The following RANBP2 variants were observed in gnomAD, a reference collection of about 807,000 sequenced individuals.
The protein encoded by RANBP2 is E3 SUMO-protein ligase RanBP2.
In RANBP2, 57 loss-of-function variants were observed where a neutral mutation model predicts 303.6. The ratio of observed to expected loss-of-function variants is 0.19; its 90% CI spans 0.15 to 0.23. The LOEUF (loss-of-function observed/expected upper bound fraction) is 0.23, where lower values mean the gene tolerates loss of function less well. Ranked by LOEUF, RANBP2 falls within the 10% of genes least tolerant of loss-of-function variation. The pLI, the probability that RANBP2 is intolerant of heterozygous loss-of-function variation, is 1.00. For missense variants in RANBP2, 3,138 were observed against 3,780.8 expected, an observed-to-expected ratio of 0.83 and a Z score of 4.46; for synonymous variants, 1,167 against 1,301.5, an observed-to-expected ratio of 0.90 and a Z score of 2.23.
At chr2:109,506,016 G>A in the RANBP2 span, among the ~76,000 whole-genome samples, 24 of 152,130 alleles carry the variant, frequency 1.6e-4, no homozygotes, top group African/African-American at 5.6e-4. Context: ...TTCAAATCAC[G>A]TACTTCACTG....
the RANBP2 span, among the ~76,000 whole-genome samples, chr2:109,442,271 A>G: frequency 9.1e-4 from 138 of 151,060 alleles, no homozygotes; most frequent in South Asian, 1.7e-3. Context: ...AGATCGTGCC[A>G]CTGCACTCCA....
chr2:108,832,547 T>C, the RANBP2 span, among the ~76,000 whole-genome samples: 1 of 151,948 alleles, frequency 6.6e-6, no homozygotes, highest in Non-Finnish European at 1.5e-5. Context: ...GGGTTTCTCC[T>C]TGTTGGTCAG....
the RANBP2 span, among the ~76,000 whole-genome samples, chr2:108,977,815 C>T: frequency 1.7e-4 from 26 of 152,302 alleles, no homozygotes; most frequent in African/African-American, 5.1e-4. Context: ...CTGAGAGCCG[C>T]ACCCTCTTTT....
the RANBP2 span, among the ~76,000 whole-genome samples, chr2:109,641,664 C>T: frequency 6.6e-6 from 1 of 152,170 alleles, no homozygotes; most frequent in Non-Finnish European, 1.5e-5. Flanking sequence ...TCTCCAGATG[C>T]ATGAATCCAA....
At chr2:108,871,378 A>G in the RANBP2 span, among the ~76,000 whole-genome samples, 1 of 149,342 alleles carries the variant, frequency 6.7e-6, no homozygotes, top group Non-Finnish European at 1.5e-5. Flanking sequence ...ATTAAAAAAA[A>G]AAAAAAAAAA....
the RANBP2 span, among the ~76,000 whole-genome samples, chr2:109,153,539 T>G: frequency 6.6e-6 from 1 of 152,220 alleles, no homozygotes; most frequent in South Asian, 2.1e-4. Flanking sequence ...CGGCTCAGTG[T>G]GCAATGCCTT....
chr2:109,477,638 GTGTGT>G, the RANBP2 span, among the ~76,000 whole-genome samples: 3 of 151,264 alleles, frequency 2.0e-5, no homozygotes, highest in East Asian at 5.8e-4. Context: ...GTGTGTGTGT[GTGTGT>G]TGGTGAGGGG....
chr2:109,758,419 A>G, the RANBP2 span, among the ~76,000 whole-genome samples: 1 of 135,022 alleles, frequency 7.4e-6, no homozygotes, highest in South Asian at 2.6e-4. Flanking sequence ...AAAAAAAAAA[A>G]AAAAAAATCC....
At chr2:109,421,054 C>G in the RANBP2 span, among the ~76,000 whole-genome samples, 1 of 152,234 alleles carries the variant, frequency 6.6e-6, no homozygotes, top group Middle Eastern at 3.2e-3. Flanking sequence ...CCATCTCCTG[C>G]CATGCTCCTA....
the RANBP2 span, among the ~76,000 whole-genome samples, chr2:109,257,376 G>A: frequency 1.3e-5 from 2 of 151,708 alleles, no homozygotes; most frequent in Admixed American, 6.6e-5. Context: ...GAGAGGGAGG[G>A]AGGGAGAGGA....
the RANBP2 span, among the ~76,000 whole-genome samples, chr2:108,935,476 G>A: frequency 6.6e-6 from 1 of 152,176 alleles, no homozygotes. Context: ...GAGAAGCACT[G>A]GTCTAGACGA....
At chr2:109,029,221 T>C in the RANBP2 span, among the ~76,000 whole-genome samples, 146 of 152,328 alleles carry the variant, frequency 9.6e-4, no homozygotes, top group African/African-American at 3.3e-3. Context: ...CTTTCCTCCT[T>C]CATGTCAACA....
chr2:108,840,627 C>T, the RANBP2 span, among the ~76,000 whole-genome samples: 2 of 152,038 alleles, frequency 1.3e-5, no homozygotes, highest in Non-Finnish European at 2.9e-5. Context: ...TCATAGTATT[C>T]TCTTATCCTT....
the RANBP2 span, among the ~76,000 whole-genome samples, chr2:109,251,207 T>G: frequency 2.0e-5 from 3 of 152,054 alleles, no homozygotes; most frequent in Non-Finnish European, 2.9e-5. Flanking sequence ...TTCACCATGT[T>G]GGCCAGGCTG....
chr2:109,733,897 C>T, the RANBP2 span, among the ~76,000 whole-genome samples: 82,249 of 151,042 alleles, frequency 0.54, 23,868 homozygotes, highest in East Asian at 0.66. Context: ...GTCGGCCGGG[C>T]GCAGTGTCTC....
the RANBP2 span, among the ~76,000 whole-genome samples, chr2:109,150,811 C>G: frequency 1.3e-5 from 2 of 151,880 alleles, no homozygotes; most frequent in Non-Finnish European, 2.9e-5. Context: ...GCTGTTCAGA[C>G]TTGGGGAGAA....
chr2:108,752,462 A>G (rs1295696901), intron 12 of RANBP2, among the ~76,000 whole-genome samples: 1 of 151,956 alleles, frequency 6.6e-6, no homozygotes, highest in Non-Finnish European at 1.5e-5. Context: ...GGATGGTATC[A>G]TTAGAAGCGT....
the RANBP2 span, among the ~76,000 whole-genome samples, chr2:109,475,080 C>T: frequency 1.3e-5 from 2 of 152,104 alleles, no homozygotes; most frequent in East Asian, 1.9e-4. Context: ...CAGGTTCGAG[C>T]GATCCTCCTG....
chr2:109,371,338 G>A, the RANBP2 span, among the ~76,000 whole-genome samples: 5 of 152,178 alleles, frequency 3.3e-5, no homozygotes, highest in African/African-American at 1.2e-4. Flanking sequence ...TGCAGTGAGC[G>A]GAGATTGCGC....
Sources: allele counts gnomAD v4.1 joint callset (sites outside exome capture counted in the v4.1 genomes callset), GRCh38; gene constraint gnomAD v4.1.1; transcripts MANE v1.5; gene names NCBI Gene and HGNC (gene_info 2026-07-23, HGNC 2026-07-21).